Variants in SRGAP2C observed in about 807,000 individuals in gnomAD.
SRGAP2C encodes SLIT-ROBO Rho GTPase activating protein 2C, also known as SLIT-ROBO Rho GTPase-activating protein 2C.
SRGAP2C carries 15 observed loss-of-function variants against 25.1 expected under a neutral mutation model. The observed-to-expected ratio is 0.60, with a 90% CI of 0.40 to 0.92. The LOEUF (loss-of-function observed/expected upper bound fraction) is 0.92. SRGAP2C is among the 40% of genes least tolerant of loss of function. SRGAP2C has a pLI of 0.00. For missense variants in SRGAP2C, 144 were observed against 264.4 expected (o/e 0.54, Z 3.16); for synonymous variants, 44 against 96.6 (o/e 0.46, Z 3.19).
At chr1:121,191,860 C>A (rs1553319836) in intron 2 of SRGAP2C, among the ~76,000 whole-genome samples, 1 of 142,718 alleles carries the variant, frequency 7.0e-6, no homozygotes, top group Non-Finnish European at 1.5e-5. Context: ...GCTGAGCAGT[C>A]ACATTTTCTT....
At chr1:121,264,626 A>G (rs2101536949) in intron 2 of SRGAP2C, among the ~76,000 whole-genome samples, 1 of 150,670 alleles carries the variant, frequency 6.6e-6, no homozygotes, top group South Asian at 2.1e-4. Context: ...TGGCTGGAGT[A>G]CTTTTCCTGC....
chr1:121,370,593 C>T (rs1570818197), intron 5 of SRGAP2C, among the ~76,000 whole-genome samples: 1 of 150,644 alleles, frequency 6.6e-6, no homozygotes, highest in Admixed American at 6.6e-5. Flanking sequence ...AGGCACCCGC[C>T]ACCACGCCCA....
At position 121,309,282 on chromosome 1, in the gene SRGAP2C, ATTTTTTATTTATT is replaced by A. The variant is rs1657923293; in HGVS notation, c.261-15194_261-15182del. On this transcript the variant is annotated intron_variant, in intron 3 of 9. Coordinates refer to ENST00000367123, the MANE Select transcript of SRGAP2C (RefSeq NM_001329984.2). ...CCCTGCTTATCCCATTTATTTATTT[ATTTTTTATTTATT>A]TATTTTTTTAAAAGATAAACAGTTA... is the stretch of plus-strand genomic sequence containing the variant. 6.0e-5 allele frequency among the ~76,000 whole-genome samples: 5 copies of A among 84,030 alleles called. No homozygotes were observed. The South Asian group carries it at 1.9e-3, about 32-fold the overall frequency. The allele number at this position is 84,030 out of a possible 152,430, so 55.1% of individuals were successfully genotyped here.
chr1:121,326,474 T>G (rs1658319538), intron 4 of SRGAP2C, among the ~76,000 whole-genome samples: 2 of 81,750 alleles, frequency 2.4e-5, no homozygotes, highest in South Asian at 6.4e-4. Context: ...GTATACAAGG[T>G]GTGGGGCATA....
intron 2 of SRGAP2C, among the ~76,000 whole-genome samples, chr1:121,249,575 TATATA>T (rs1459828515): frequency 3.0e-3 from 55 of 18,440 alleles, no homozygotes; most frequent in Non-Finnish European, 4.2e-3. Context: ...TATATATATA[TATATA>T]TTTTTTTTTT....
chr1:121,231,646 G>A (rs1655822716), intron 2 of SRGAP2C, among the ~76,000 whole-genome samples: 1 of 151,666 alleles, frequency 6.6e-6, no homozygotes, highest in Admixed American at 6.6e-5. Flanking sequence ...GAAGGGATCT[G>A]GGGGACTGTT....
At chr1:121,235,130 T>A (rs1335562725) in intron 2 of SRGAP2C, among the ~76,000 whole-genome samples, 1 of 146,220 alleles carries the variant, frequency 6.8e-6, no homozygotes, top group Non-Finnish European at 1.5e-5. Flanking sequence ...CACGCCATTC[T>A]CCATTCTCCA....
chr1:121,336,517 C>T (rs1658519277), intron 4 of SRGAP2C, among the ~76,000 whole-genome samples: 1 of 111,818 alleles, frequency 8.9e-6, no homozygotes, highest in South Asian at 3.0e-4. Context: ...TTCCTTCTCC[C>T]TCTCCTTGTT....
rs1660125857 is a variant in SRGAP2C, at chr1:121,392,447, G to A, written c.*4592G>A. On this transcript the variant is annotated 3_prime_UTR_variant, in exon 10 of 10. Transcript: ENST00000367123. Reference sequence around the variant, plus strand: ...ATGTTTAAGTACCCTTAGCATGTTAGTAGATATGGTTATTTCTCCCTTTAG... The same window carrying A: ...ATGTTTAAGTACCCTTAGCATGTTAATAGATATGGTTATTTCTCCCTTTAG... 6.6e-6 allele frequency: 1 copy of A among 151,068 alleles called. No homozygotes were observed. Among genetic ancestry groups the A allele is most frequent in the Non-Finnish European group, 1.5e-5 (1 of 67,834 alleles). The allele number at this position is 151,068 out of a possible 1,614,324, so 9.4% of individuals were successfully genotyped here. A position where few individuals can be genotyped will look rare whatever the true frequency, so the allele number is the denominator to read the frequency against.
intron 4 of SRGAP2C, among the ~76,000 whole-genome samples, chr1:121,329,954 C>T (rs1658398456): frequency 6.6e-6 from 1 of 150,842 alleles, no homozygotes; most frequent in African/African-American, 2.4e-5. Context: ...AGGGTTTGGG[C>T]AAATATTATT....
chr1:121,364,370 CAATGGT>C (rs1659274433), intron 4 of SRGAP2C, among the ~76,000 whole-genome samples: 1 of 99,666 alleles, frequency 1.0e-5, no homozygotes, highest in Admixed American at 1.1e-4. Context: ...GGCTGGAGTG[CAATGGT>C]GCAATCTCGG....
chr1:121,284,013 G>A (rs1190305607), intron 2 of SRGAP2C, among the ~76,000 whole-genome samples: 1 of 151,156 alleles, frequency 6.6e-6, no homozygotes, highest in Non-Finnish European at 1.5e-5. Flanking sequence ...CACTATAGAG[G>A]CACTACAGCA....
At chr1:121,346,833 T>A (rs1270972105) in intron 4 of SRGAP2C, among the ~76,000 whole-genome samples, 1 of 151,454 alleles carries the variant, frequency 6.6e-6, no homozygotes, top group East Asian at 2.0e-4. Context: ...GTTGGATCTG[T>A]GGTTGACAGA....
chr1:121,348,632 C>T (rs1391103935), intron 4 of SRGAP2C, among the ~76,000 whole-genome samples: 1 of 149,470 alleles, frequency 6.7e-6, no homozygotes, highest in East Asian at 2.1e-4. Flanking sequence ...GGCCTTTCTT[C>T]CCCCTGTCTT....
intron 2 of SRGAP2C, among the ~76,000 whole-genome samples, chr1:121,274,997 A>G (rs1657068048): frequency 6.6e-6 from 1 of 151,160 alleles, no homozygotes; most frequent in African/African-American, 2.4e-5. Flanking sequence ...TTGCTTTGCT[A>G]ACTACAGCCC....
intron 2 of SRGAP2C, among the ~76,000 whole-genome samples, chr1:121,212,986 C>T (rs1237520036): frequency 7.8e-6 from 1 of 128,178 alleles, no homozygotes; most frequent in African/African-American, 2.8e-5. Flanking sequence ...CCAGTTTGAC[C>T]TACTTAACAA....
intron 2 of SRGAP2C, among the ~76,000 whole-genome samples, chr1:121,211,670 C>CATTG (rs1558082216): frequency 6.6e-6 from 1 of 151,928 alleles, no homozygotes; most frequent in Non-Finnish European, 1.5e-5. Flanking sequence ...GTTTCTACTG[C>CATTG]ATTGGCATGC....
chr1:121,329,746 C>A (rs1157799498), intron 4 of SRGAP2C, among the ~76,000 whole-genome samples: 5,466 of 151,144 alleles, frequency 0.036, 224 homozygotes, highest in African/African-American at 0.13. Flanking sequence ...TCTGCTGGGA[C>A]ATATTTTACA....
chr1:121,190,298 G>A (rs1654635633), intron 2 of SRGAP2C, among the ~76,000 whole-genome samples: 1 of 146,784 alleles, frequency 6.8e-6, no homozygotes, highest in African/African-American at 2.5e-5. Flanking sequence ...TATGCAGTTT[G>A]GTTTGGTTGT....
Sources: gnomAD v4.1 joint callset for allele counts (sites outside exome capture counted in the v4.1 genomes callset) on GRCh38, gnomAD v4.1.1 for gene constraint, MANE v1.5 for transcripts, NCBI Gene and HGNC (gene_info 2026-07-23, HGNC 2026-07-21) for gene names.